Variants in TOP6BL observed in about 807,000 individuals in gnomAD.
TOP6BL encodes the protein TOP6B like initiator of meiotic double strand breaks.
chr11:66,790,832 G>A, the TOP6BL span, among the ~76,000 whole-genome samples: 1 of 152,146 alleles, frequency 6.6e-6, no homozygotes, highest in Non-Finnish European at 1.5e-5. Flanking sequence ...CTAGTTATCT[G>A]CTTGGATATG....
At chr11:66,789,347 C>G in the TOP6BL span, among the ~76,000 whole-genome samples, 3 of 152,190 alleles carry the variant, frequency 2.0e-5, no homozygotes, top group Admixed American at 6.5e-5. Context: ...TTTAACAGGT[C>G]TCTCATCTCC....
At chr11:66,745,028 AG>A in the TOP6BL span, 1 of 1,146,036 alleles carries the variant, frequency 8.7e-7, no homozygotes, top group Non-Finnish European at 1.1e-6. Flanking sequence ...AAGGTGAAGG[AG>A]GAAGGTTCGG....
At chr11:66,813,084 C>G in the TOP6BL span, among the ~76,000 whole-genome samples, 2 of 152,178 alleles carry the variant, frequency 1.3e-5, no homozygotes, top group Non-Finnish European at 2.9e-5. Flanking sequence ...CCTTCTCAAT[C>G]TAAGTATACT....
chr11:66,779,140 G>A, the TOP6BL span, among the ~76,000 whole-genome samples: 1 of 152,024 alleles, frequency 6.6e-6, no homozygotes, highest in Non-Finnish European at 1.5e-5. Flanking sequence ...AAGCAATGGC[G>A]ACAAAAGCCA....
the TOP6BL span, among the ~76,000 whole-genome samples, chr11:66,795,144 T>A: frequency 0.018 from 2,766 of 149,820 alleles, 61 homozygotes; most frequent in African/African-American, 0.05. Flanking sequence ...CAAAAAAAAA[T>A]ATATATATAT....
the TOP6BL span, chr11:66,843,075 T>C: frequency 1.3e-6 from 2 of 1,578,462 alleles, no homozygotes; most frequent in Non-Finnish European, 1.7e-6. Flanking sequence ...TGGAGGTAAC[T>C]GGGCGAGGGC....
chr11:66,754,167 G>A, the TOP6BL span, among the ~76,000 whole-genome samples: 1 of 152,186 alleles, frequency 6.6e-6, no homozygotes, highest in Admixed American at 6.5e-5. Flanking sequence ...CTGGGTGTGG[G>A]TGTGTTTTCA....
chr11:66,813,863 A>C, the TOP6BL span: 2 of 1,613,542 alleles, frequency 1.2e-6, no homozygotes, highest in Non-Finnish European at 1.7e-6. Flanking sequence ...TAGCAACTAC[A>C]CATATTTCTA....
the TOP6BL span, chr11:66,843,331 T>G: frequency 1.3e-6 from 2 of 1,496,774 alleles, no homozygotes; most frequent in African/African-American, 2.8e-5. Context: ...CCAAGTCCTC[T>G]TCCGCGTCTG....
the TOP6BL span, among the ~76,000 whole-genome samples, chr11:66,827,704 C>A: frequency 6.6e-6 from 1 of 151,972 alleles, no homozygotes; most frequent in Non-Finnish European, 1.5e-5. Context: ...GTGGCTTACA[C>A]CTGTAATCCT....
the TOP6BL span, chr11:66,801,143 TCTC>T: frequency 6.3e-7 from 1 of 1,580,428 alleles, no homozygotes; most frequent in Admixed American, 1.7e-5. Context: ...CATGTTTTAC[TCTC>T]CTCTCGAGTA....
At chr11:66,795,411 C>T in the TOP6BL span, among the ~76,000 whole-genome samples, 1 of 151,134 alleles carries the variant, frequency 6.6e-6, no homozygotes, top group East Asian at 2.0e-4. Context: ...AAGTGATTCT[C>T]CTGCCTTAGC....
the TOP6BL span, among the ~76,000 whole-genome samples, chr11:66,827,530 C>T: frequency 6.6e-6 from 1 of 150,870 alleles, no homozygotes; most frequent in African/African-American, 2.4e-5. Flanking sequence ...CTAAAAGACT[C>T]GTCAGAAAAA....
the TOP6BL span, chr11:66,758,176 C>G: frequency 1.0e-6 from 1 of 977,392 alleles, no homozygotes; most frequent in African/African-American, 1.8e-5. Context: ...ATCTTTTTGT[C>G]CCCTCGTTGG....
chr11:66,802,926 A>T, the TOP6BL span, among the ~76,000 whole-genome samples: 1 of 152,200 alleles, frequency 6.6e-6, no homozygotes, highest in Admixed American at 6.5e-5. Context: ...GATTAGAGAC[A>T]AAGGGAAAGG....
At chr11:66,842,986 C>G in the TOP6BL span, 3 of 1,550,550 alleles carry the variant, frequency 1.9e-6, no homozygotes, top group Non-Finnish European at 2.6e-6. Context: ...CGCGGCCCCC[C>G]TCACTCCTAG....
chr11:66,816,265 T>G, the TOP6BL span: 1 of 1,476,642 alleles, frequency 6.8e-7, no homozygotes, highest in Admixed American at 2.1e-5. Flanking sequence ...GGAAACTTTG[T>G]GTAATGCACA....
chr11:66,756,117 G>T, the TOP6BL span, among the ~76,000 whole-genome samples: 2 of 152,158 alleles, frequency 1.3e-5, no homozygotes, highest in African/African-American at 4.8e-5. Context: ...ATTATTGAAG[G>T]CTTTAACAAA....
the TOP6BL span, among the ~76,000 whole-genome samples, chr11:66,831,711 T>C: frequency 1.1e-4 from 17 of 152,076 alleles, no homozygotes; most frequent in African/African-American, 3.6e-4. Context: ...ATTGTACATT[T>C]TCGGCCGGGT....
Sources: allele counts gnomAD v4.1 joint callset (sites outside exome capture counted in the v4.1 genomes callset), GRCh38; gene constraint gnomAD v4.1.1; transcripts MANE v1.5; gene names NCBI Gene and HGNC (gene_info 2026-07-23, HGNC 2026-07-21).